Variants in IGFBP7 observed in about 807,000 individuals in gnomAD.
IGFBP7 encodes insulin-like growth factor-binding protein 7.
In IGFBP7, 31 loss-of-function variants were observed where a neutral mutation model predicts 29.4. That is an observed-to-expected ratio of 1.05 (90% confidence interval 0.79 to 1.42). IGFBP7 has a LOEUF of 1.42. IGFBP7 is among the 40% of genes most tolerant of loss of function. The probability of loss-of-function intolerance (pLI) is 0.00; values close to 1 mark genes in which losing one functional copy is unlikely to be tolerated. For missense variants in IGFBP7, 393 were observed against 395.5 expected (o/e 0.99, Z 0.05); for synonymous variants, 172 against 174.9 (o/e 0.98, Z 0.13).
chr4:57,086,994 A>G (rs1725513831), intron 1 of IGFBP7, among the ~76,000 whole-genome samples: 1 of 152,186 alleles, frequency 6.6e-6, no homozygotes, highest in African/African-American at 2.4e-5. Flanking sequence ...TCGGCCTCCC[A>G]AAGTGCTGGG....
intron 1 of IGFBP7, among the ~76,000 whole-genome samples, chr4:57,052,634 G>A (rs539599726): frequency 1.2e-4 from 18 of 152,134 alleles, no homozygotes; most frequent in East Asian, 3.9e-4. Flanking sequence ...TGAATAGCAC[G>A]GCCTTGCTTA....
intron 1 of IGFBP7, among the ~76,000 whole-genome samples, chr4:57,068,943 C>A (rs1343879860): frequency 6.6e-6 from 1 of 152,208 alleles, no homozygotes; most frequent in Middle Eastern, 3.4e-3. Flanking sequence ...TGGATGCAGG[C>A]CCCTTCTGAA....
intron 1 of IGFBP7, among the ~76,000 whole-genome samples, chr4:57,107,349 C>T (rs995567503): frequency 1.3e-5 from 2 of 152,148 alleles, no homozygotes; most frequent in Non-Finnish European, 2.9e-5. Context: ...TATACTCAAG[C>T]ATAACTTAAG....
intron 1 of IGFBP7, among the ~76,000 whole-genome samples, chr4:57,078,777 A>G (rs1318033787): frequency 6.6e-6 from 1 of 152,042 alleles, no homozygotes; most frequent in African/African-American, 2.4e-5. Context: ...TCCAGAGCCT[A>G]CAGAGCCCGG....
At chr4:57,058,072 C>T (rs1304071112) in intron 1 of IGFBP7, among the ~76,000 whole-genome samples, 1 of 152,080 alleles carries the variant, frequency 6.6e-6, no homozygotes, top group Non-Finnish European at 1.5e-5. Flanking sequence ...GAAGATTAAT[C>T]CCATTCACAA....
chr4:57,107,023 T>C lies in IGFBP7; in HGVS notation c.475+2854A>G, dbSNP rs1015663695. On this transcript the variant is annotated intron_variant, in intron 1 of 4. Transcript: ENST00000295666. Reference sequence around the variant, plus strand: ...CGCTTTGCCTCCTACCAGAGAGGTATGGAAAACAAGCAGACCAAGATCTCT... The same window carrying C: ...CGCTTTGCCTCCTACCAGAGAGGTACGGAAAACAAGCAGACCAAGATCTCT... 3.9e-5 allele frequency among the ~76,000 whole-genome samples: 6 copies of C among 152,234 alleles called. 1 individual carries two copies. Among genetic ancestry groups the C allele is most frequent in the East Asian group, 3.9e-4 (2 of 5,172 alleles).
chr4:57,049,886 C>T (rs1724461323), intron 1 of IGFBP7, among the ~76,000 whole-genome samples: 1 of 152,214 alleles, frequency 6.6e-6, no homozygotes, highest in East Asian at 1.9e-4. Flanking sequence ...GAAAAGATAG[C>T]CACTGTCTTG....
chr4:57,065,545 CCA>C (rs1724898769), intron 1 of IGFBP7: 1 of 152,290 alleles, frequency 6.6e-6, no homozygotes, highest in Non-Finnish European at 1.5e-5. Context: ...AAAGGCAGCT[CCA>C]GAGACTATCC....
At chr4:57,040,622 A>G (rs1239804650) in intron 2 of IGFBP7, among the ~76,000 whole-genome samples, 2 of 152,228 alleles carry the variant, frequency 1.3e-5, no homozygotes, top group Non-Finnish European at 2.9e-5. Context: ...CTCAGATTCT[A>G]GGATGCTGCT....
In IGFBP7 at chr4:57,031,153, A is replaced by G. The variant is rs1210082857; in HGVS notation, c.*164T>C. On this transcript the variant is annotated 3_prime_UTR_variant, in exon 5 of 5. Transcript: ENST00000295666. ...GTAAATATATAATAAATTTTTGTAGATAGTCTTGATGTGTGATCTTTATTT... is the reference window on the plus strand; with the variant it reads ...GTAAATATATAATAAATTTTTGTAGGTAGTCTTGATGTGTGATCTTTATTT... The G allele has an allele frequency of 1.4e-6, 1 of 725,356 alleles. No individual in the cohort carries two copies. The highest frequency in any genetic ancestry group is 1.8e-5 in the African/African-American group (1 of 55,742). 44.9% of individuals were successfully genotyped at this position (725,356 alleles called of 1,614,324 possible). A position where few individuals can be genotyped will look rare whatever the true frequency, so the allele number is the denominator to read the frequency against.
At chr4:57,052,944 C>A (rs1483353743) in intron 1 of IGFBP7, among the ~76,000 whole-genome samples, 1 of 152,088 alleles carries the variant, frequency 6.6e-6, no homozygotes, top group Non-Finnish European at 1.5e-5. Flanking sequence ...ACAGAACATG[C>A]ACAGAAAGTT....
chr4:57,050,458 T>A (rs1724477381), intron 1 of IGFBP7, among the ~76,000 whole-genome samples: 1 of 152,002 alleles, frequency 6.6e-6, no homozygotes, highest in Non-Finnish European at 1.5e-5. Flanking sequence ...TTGGCCAGGC[T>A]GGTCTCGAAC....
intron 1 of IGFBP7, among the ~76,000 whole-genome samples, chr4:57,109,394 G>A (rs1726114711): frequency 6.6e-6 from 1 of 152,034 alleles, no homozygotes; most frequent in African/African-American, 2.4e-5. Context: ...TCGTGCCACT[G>A]CCCTCCACCC....
intron 1 of IGFBP7, among the ~76,000 whole-genome samples, chr4:57,074,233 G>A (rs1345082663): frequency 6.6e-6 from 1 of 152,096 alleles, no homozygotes; most frequent in Non-Finnish European, 1.5e-5. Flanking sequence ...GCTAATTTTG[G>A]TATTTTTAGT....
intron 1 of IGFBP7, among the ~76,000 whole-genome samples, chr4:57,088,001 C>A (rs529161470): frequency 6.6e-6 from 1 of 152,156 alleles, no homozygotes; most frequent in African/African-American, 2.4e-5. Context: ...CAGGGCTTTG[C>A]TTTGTCACCC....
At chr4:57,043,512 A>C (rs189006505) in intron 1 of IGFBP7, among the ~76,000 whole-genome samples, 1 of 152,264 alleles carries the variant, frequency 6.6e-6, no homozygotes, top group East Asian at 1.9e-4. Flanking sequence ...CACAATATTA[A>C]TTTCTTGAAA....
chr4:57,078,684 G>A (rs1217472447), intron 1 of IGFBP7, among the ~76,000 whole-genome samples: 1 of 114,050 alleles, frequency 8.8e-6, no homozygotes, highest in African/African-American at 2.7e-5. Context: ...TGTGAGTTTA[G>A]GATTTTTTTT....
At chr4:57,099,701 C>T (rs1040031742) in intron 1 of IGFBP7, among the ~76,000 whole-genome samples, 1 of 152,206 alleles carries the variant, frequency 6.6e-6, no homozygotes, top group African/African-American at 2.4e-5. Context: ...CTTCAAGAAC[C>T]TCTGGATTGC....
At chr4:57,056,466 A>T (rs1278940296) in intron 1 of IGFBP7, among the ~76,000 whole-genome samples, 1 of 152,148 alleles carries the variant, frequency 6.6e-6, no homozygotes, top group Non-Finnish European at 1.5e-5. Flanking sequence ...GGAATTGAGA[A>T]GGTGCTAGAT....
Sources: allele counts gnomAD v4.1 joint callset (sites outside exome capture counted in the v4.1 genomes callset), GRCh38; gene constraint gnomAD v4.1.1; transcripts MANE v1.5; gene names NCBI Gene and HGNC (gene_info 2026-07-23, HGNC 2026-07-21).